Variants in CTU1 observed in about 807,000 individuals in gnomAD.
The protein encoded by CTU1 is cytoplasmic tRNA 2-thiolation protein 1.
A neutral mutation model predicts 12.9 loss-of-function variants in CTU1; 15 were observed. That is an observed-to-expected ratio of 1.16 (90% confidence interval 0.78 to 1.79). The LOEUF (loss-of-function observed/expected upper bound fraction) is 1.79. CTU1 is among the 40% of genes most tolerant of loss of function. CTU1 has a pLI of 0.00. For synonymous variants in CTU1, 295 were observed against 275.6 expected (o/e 1.07, Z -0.70); for missense variants, 553 against 550.5 (o/e 1.00, Z -0.05).
At chr19:51,099,244 G>C in intron 2 of CTU1, 105 bp from the exon 3 acceptor site, 1 of 1,066,962 alleles carries the variant, frequency 9.4e-7, no homozygotes, top group Non-Finnish European at 1.3e-6. Context: ...AGAGAGACTG[G>C]GAGGAGAGAC....
intron 1 of CTU1, among the ~76,000 whole-genome samples, chr19:51,106,653 G>A (rs1215070396): frequency 1.3e-5 from 2 of 150,364 alleles, no homozygotes; most frequent in African/African-American, 2.4e-5. Context: ...CTACAGGCGT[G>A]TACCACCATG....
chr19:51,101,050 T>G (rs561224165), intron 2 of CTU1, among the ~76,000 whole-genome samples: 1 of 152,006 alleles, frequency 6.6e-6, no homozygotes, highest in South Asian at 2.1e-4. Flanking sequence ...GCTTAAGTGA[T>G]CCCCCTGCCT....
rs1297797994 is a variant in CTU1 at position 51,098,902 on chromosome 19, C to G, written c.746G>C (p.Arg249Pro). 6 of 1,507,364 alleles carry G rather than the reference C, an allele frequency of 4.0e-6. No homozygotes were observed. Among genetic ancestry groups the G allele is most frequent in the South Asian group, 2.4e-5 (2 of 83,932 alleles). 93.4% of individuals were successfully genotyped at this position (1,507,364 alleles called of 1,614,324 possible). A position where few individuals can be genotyped will look rare whatever the true frequency, so the allele number is the denominator to read the frequency against. Residue 249 changes from arginine (R) to proline (P), a missense_variant, in exon 3 of 3, where the codon CGG (arginine) becomes CCG (proline). Coordinates refer to ENST00000421832, the MANE Select transcript of CTU1 (RefSeq NM_145232.4). This position sits in a 1 kb window ranked among gnomAD's most constrained non-coding sequence, Gnocchi z 4.3. ...YAPEAFRGHA[R>P]DLLKRLEAAR... ...CGCCTCCAGGCGCTTGAGCAGGTCC[C>G]GGGCGTGGCCGCGGAAGGCCTCGGG...
rs974093800 is a variant in CTU1, at chr19:51,097,701, G to A, written c.*900C>T. On this transcript the variant is annotated 3_prime_UTR_variant, in exon 3 of 3. Transcript: ENST00000421832. ...TGCGGGGGGGATGGGGGGGCGGGGG[G>A]GAAGGGGGCTGATTATATTTTCATA... 3 of 143,696 alleles carry A rather than the reference G, an allele frequency of 2.1e-5. No individual in the cohort carries two copies. Among genetic ancestry groups the A allele is most frequent in the Non-Finnish European group, 4.6e-5 (3 of 65,360 alleles). 8.9% of individuals were successfully genotyped at this position (143,696 alleles called of 1,614,324 possible). A position where few individuals can be genotyped will look rare whatever the true frequency, so the allele number is the denominator to read the frequency against.
intron 1 of CTU1, 25 bp from the exon 2 acceptor site, chr19:51,104,615 G>A: frequency 8.1e-7 from 1 of 1,228,070 alleles, no homozygotes; most frequent in Non-Finnish European, 1.0e-6. Flanking sequence ...AGAGGAGGTG[G>A]GTTACATATG....
At chr19:51,106,492 A>G (rs975814942) in intron 1 of CTU1, among the ~76,000 whole-genome samples, 6 of 142,320 alleles carry the variant, frequency 4.2e-5, no homozygotes, top group African/African-American at 1.6e-4. Context: ...TCCATTTTTT[A>G]AAGATTTTTA....
At chr19:51,104,640 G>A in intron 1 of CTU1, 50 bp from the exon 2 acceptor site, 1 of 1,199,146 alleles carries the variant, frequency 8.3e-7, no homozygotes, top group African/African-American at 1.6e-5. Context: ...CCGGATTGCA[G>A]GGTCCCTGCC....
intron 2 of CTU1, among the ~76,000 whole-genome samples, chr19:51,101,470 CACT>C (rs932788190): frequency 6.6e-6 from 1 of 152,088 alleles, no homozygotes; most frequent in African/African-American, 2.4e-5. Flanking sequence ...GGGGGTGGGG[CACT>C]ACTATTAAAT....
In CTU1 at chr19:51,098,635, C is replaced by T. The variant is rs1227985668; in HGVS notation, c.1013G>A (p.Arg338Gln). ...ATPGTPGDPA[R>Q]PPASKAVPTF ...GGGGACGGCCTTGGAGGCGGGGGGCCGGGCCGGATCCCCGGGCGTCCCCGG... is the reference window on the plus strand; with the variant it reads ...GGGGACGGCCTTGGAGGCGGGGGGCTGGGCCGGATCCCCGGGCGTCCCCGG... Residue 338 changes from arginine (R) to glutamine (Q), a missense_variant, in exon 3 of 3, where the codon CGG becomes CAG. Physicochemically the swap from Arg to Gln is conservative, Grantham distance 43. Transcript: ENST00000421832. This position sits in a 1 kb window ranked among gnomAD's most constrained non-coding sequence, Gnocchi z 4.3. The T allele has an allele frequency of 7.6e-7, 1 of 1,309,204 alleles. No homozygotes were observed. Among genetic ancestry groups the T allele is most frequent in the Non-Finnish European group, 9.7e-7 (1 of 1,027,996 alleles). The allele number at this position is 1,309,204 out of a possible 1,614,324, so 81.1% of individuals were successfully genotyped here. A position where few individuals can be genotyped will look rare whatever the true frequency, so the allele number is the denominator to read the frequency against.
chr19:51,103,416 T>C (rs1290204602), intron 2 of CTU1, among the ~76,000 whole-genome samples: 3 of 152,160 alleles, frequency 2.0e-5, no homozygotes, highest in African/African-American at 7.2e-5. Context: ...AAACCCCGTC[T>C]CTACTAAAAA....
At chr19:51,106,728 G>C (rs1236153204) in intron 1 of CTU1, among the ~76,000 whole-genome samples, 1 of 150,074 alleles carries the variant, frequency 6.7e-6, no homozygotes, top group African/African-American at 2.5e-5. Flanking sequence ...ATGTTGGCCA[G>C]GCTGGTCTTG....
At chr19:51,105,531 G>A (rs1281562917) in intron 1 of CTU1, among the ~76,000 whole-genome samples, 1 of 152,160 alleles carries the variant, frequency 6.6e-6, no homozygotes, top group Non-Finnish European at 1.5e-5. Context: ...CTCCAGCCTG[G>A]ACTACTGTAG....
intron 2 of CTU1, 129 bp downstream of exon 2, chr19:51,103,933 A>T: frequency 1.0e-6 from 1 of 981,870 alleles, no homozygotes; most frequent in Non-Finnish European, 1.4e-6. Flanking sequence ...TCCTCCCATT[A>T]AGCCACCAGG....
intron 2 of CTU1, among the ~76,000 whole-genome samples, chr19:51,100,934 C>CATGT (rs1951348226): frequency 3.4e-5 from 5 of 145,452 alleles, no homozygotes; most frequent in Admixed American, 2.7e-4. Flanking sequence ...TTTTATTGTG[C>CATGT]GTGTGTGTGT....
chr19:51,098,967 G>T lies in CTU1; in HGVS notation c.681C>A (p.Phe227Leu), dbSNP rs1353616984. ...SQKEVVLYAH[F>L]RRLDYFSEEC... Reference sequence around the variant, plus strand: ...CCTCGGAGAAGTAGTCGAGGCGGCGGAAGTGCGCGTACAGCACCACCTCCT... The same window carrying T: ...CCTCGGAGAAGTAGTCGAGGCGGCGTAAGTGCGCGTACAGCACCACCTCCT... Residue 227 changes from phenylalanine to leucine, a missense_variant, in exon 3 of 3, where the codon TTC becomes TTA. Transcript: ENST00000421832. This position sits in a 1 kb window ranked among gnomAD's most constrained non-coding sequence, Gnocchi z 4.3. 1.2e-5 allele frequency: 18 copies of T among 1,544,304 alleles called. No individual in the cohort carries two copies. Among genetic ancestry groups the T allele is most frequent in the Non-Finnish European group, 1.5e-5 (17 of 1,151,296 alleles).
chr19:51,100,632 G>T (rs917660085), intron 2 of CTU1, among the ~76,000 whole-genome samples: 1 of 152,006 alleles, frequency 6.6e-6, no homozygotes, highest in African/African-American at 2.4e-5. Flanking sequence ...TGGAGGAAGG[G>T]ACCATCAGCC....
At chr19:51,101,051 C>A (rs1412720839) in intron 2 of CTU1, among the ~76,000 whole-genome samples, 6 of 151,846 alleles carry the variant, frequency 4.0e-5, no homozygotes, top group Admixed American at 2.6e-4. Context: ...CTTAAGTGAT[C>A]CCCCTGCCTC....
chr19:51,098,475 A>C lies in CTU1; in HGVS notation c.*126T>G. The C allele has an allele frequency of 1.1e-6, 1 of 943,340 alleles. No homozygotes were observed. The highest frequency in any genetic ancestry group is 1.7e-5 in the African/African-American group (1 of 57,736). 58.4% of individuals were successfully genotyped at this position (943,340 alleles called of 1,614,324 possible). On this transcript the variant is annotated 3_prime_UTR_variant, in exon 3 of 3. Transcript: ENST00000421832. This position sits in a 1 kb window ranked among gnomAD's most constrained non-coding sequence, Gnocchi z 4.3. The stretch of plus-strand genomic sequence containing the variant: ...CCCAGCTTCTTCAGGGTTTCAGGTG[A>C]ATGGGCCCCCGTCTCCTTCCCAACC...
At chr19:51,104,014 GCC>G in intron 2 of CTU1, 46 bp downstream of exon 2, 1 of 1,397,570 alleles carries the variant, frequency 7.2e-7, no homozygotes. Flanking sequence ...CTGTGCATTC[GCC>G]CCACTGCCTC....
Sources: allele counts gnomAD v4.1 joint callset (sites outside exome capture counted in the v4.1 genomes callset), GRCh38; gene constraint gnomAD v4.1.1; non-coding constraint Gnocchi (gnomAD v3.1); transcripts MANE v1.5; gene names NCBI Gene and HGNC (gene_info 2026-07-23, HGNC 2026-07-21).